ERICH1: variants seen among roughly 807,000 people sequenced by gnomAD.
ERICH1 encodes glutamate-rich protein 1.
In ERICH1, 56 loss-of-function variants were observed where a neutral mutation model predicts 39.6. That is an observed-to-expected ratio of 1.41 (90% CI 1.14 to 1.77). The LOEUF is 1.77. ERICH1 is among the 40% of genes most tolerant of loss of function. The pLI, the probability that ERICH1 is intolerant of heterozygous loss-of-function variation, is 0.00. For synonymous variants in ERICH1, 313 were observed against 223.6 expected, an observed-to-expected ratio of 1.40 and a Z score of -3.57; for missense variants, 826 against 575.4, an observed-to-expected ratio of 1.44 and a Z score of -4.45.
intron 3 of ERICH1, among the ~76,000 whole-genome samples, chr8:683,213 T>C (rs781220408): frequency 2.6e-4 from 40 of 152,210 alleles, no homozygotes; most frequent in Non-Finnish European, 5.1e-4. Context: ...GTGGCTGGCG[T>C]GGACCATGGC....
chr8:706,511 C>T (rs1219239319), intron 2 of ERICH1, among the ~76,000 whole-genome samples: 1 of 152,158 alleles, frequency 6.6e-6, no homozygotes. Flanking sequence ...CAGTGGCTCA[C>T]GCCTGTAATC....
chr8:703,259 C>T (rs1188278771), intron 2 of ERICH1, among the ~76,000 whole-genome samples: 1 of 152,170 alleles, frequency 6.6e-6, no homozygotes, highest in Non-Finnish European at 1.5e-5. Context: ...AGACCAAGTG[C>T]ACACACCCCA....
chr8:615,192 C>T (rs1206135200), exon 4 of ERICH1: 2 of 658,046 alleles, frequency 3.0e-6, no homozygotes, highest in Non-Finnish European at 5.4e-6. Context: ...TCCTCTTGAC[C>T]TGGAATTGTC....
chr8:664,278 C>T lies in ERICH1; in HGVS notation c.*325G>A. 2 of 1,017,790 alleles carry T rather than the reference C, an allele frequency of 2.0e-6. No individual in the cohort carries two copies. Among genetic ancestry groups the T allele is most frequent in the Non-Finnish European group, 2.3e-6 (2 of 851,584 alleles). The allele number at this position is 1,017,790 out of a possible 1,614,324, so 63.0% of individuals were successfully genotyped here. On this transcript the variant is annotated 3_prime_UTR_variant, in exon 6 of 6. Coordinates refer to ENST00000262109, the MANE Select transcript of ERICH1 (RefSeq NM_207332.3). Reference sequence around the variant, plus strand: ...TCAGATACAAGGTGATTCAAAACTTCATAAAAATATATGAGCTTCAAACTA... The same window carrying T: ...TCAGATACAAGGTGATTCAAAACTTTATAAAAATATATGAGCTTCAAACTA...
intron 3 of ERICH1, chr8:625,530 A>G (rs995195505): frequency 6.6e-6 from 1 of 152,230 alleles, no homozygotes; most frequent in African/African-American, 2.4e-5. Flanking sequence ...GGGTAATACA[A>G]GTGTTCTCAC....
At chr8:631,961 C>A (rs1384375379) in intron 3 of ERICH1, among the ~76,000 whole-genome samples, 1 of 152,162 alleles carries the variant, frequency 6.6e-6, no homozygotes. Flanking sequence ...CCCAAAGGTG[C>A]TTCCTGTCCT....
At chr8:626,273 C>T (rs892958249) in intron 3 of ERICH1, 8 of 152,148 alleles carry the variant, frequency 5.3e-5, no homozygotes, top group African/African-American at 1.9e-4. Context: ...TTAAGAAAAT[C>T]CCATTCTCTG....
chr8:664,743 T>A, intron 5 of ERICH1, 67 bp from the exon 6 acceptor site: 2 of 1,361,232 alleles, frequency 1.5e-6, no homozygotes, highest in East Asian at 2.3e-5. Context: ...AAGTTATTAT[T>A]ATGTAGACAC....
At chr8:672,838 C>T (rs1466959298) in intron 4 of ERICH1, among the ~76,000 whole-genome samples, 1 of 152,242 alleles carries the variant, frequency 6.6e-6, no homozygotes, top group Non-Finnish European at 1.5e-5. Context: ...TGAAACCTGT[C>T]CTAAAGGCGC....
intron 3 of ERICH1, among the ~76,000 whole-genome samples, chr8:623,239 G>C (rs1406305878): frequency 1.3e-5 from 2 of 152,164 alleles, no homozygotes; most frequent in African/African-American, 2.4e-5. Flanking sequence ...TTCAAGGGTG[G>C]TTTGGCAACA....
At chr8:688,232 C>G (rs1296821598) in intron 3 of ERICH1, among the ~76,000 whole-genome samples, 1 of 125,564 alleles carries the variant, frequency 8.0e-6, no homozygotes, top group Non-Finnish European at 1.8e-5. Flanking sequence ...TCCCGACGTT[C>G]TCGCAGAAAA....
At chr8:698,580 G>T (rs539660485) in intron 2 of ERICH1, among the ~76,000 whole-genome samples, 27 of 152,096 alleles carry the variant, frequency 1.8e-4, no homozygotes, top group South Asian at 1.5e-3. Flanking sequence ...CAATGACAAG[G>T]TGGTCATTGA....
At position 626,725 on chromosome 8, in the gene ERICH1, C is replaced by T. The variant is rs1038367857; in HGVS notation, c.977-11441G>A. 4.5e-5 allele frequency: 8 copies of T among 177,232 alleles called. No individual in the cohort carries two copies. In the South Asian group the frequency reaches 5.3e-4, roughly 12 times the overall value. 11.0% of individuals were successfully genotyped at this position (177,232 alleles called of 1,614,324 possible). On this transcript the variant is annotated intron_variant, in intron 3 of 3. Coordinates refer to the ERICH1 transcript ENST00000522706. ...TCCAGCTGGCGTCTGTCTCTCATCG[C>T]GATGCCATCCTCATCCTGAGCCCCT...
chr8:635,346 C>A (rs988623590), intron 3 of ERICH1, among the ~76,000 whole-genome samples: 3 of 152,192 alleles, frequency 2.0e-5, no homozygotes, highest in Non-Finnish European at 2.9e-5. Context: ...AACGGATAAA[C>A]GCCAAGCCCG....
chr8:653,020 C>G (rs1351407082), intron 3 of ERICH1, among the ~76,000 whole-genome samples: 1 of 152,200 alleles, frequency 6.6e-6, no homozygotes, highest in Non-Finnish European at 1.5e-5. Flanking sequence ...ACGGTACAGC[C>G]ATTGTGGAAG....
At chr8:631,636 C>T (rs1798045537) in intron 3 of ERICH1, among the ~76,000 whole-genome samples, 2 of 152,148 alleles carry the variant, frequency 1.3e-5, no homozygotes, top group African/African-American at 4.8e-5. Context: ...TGTTTGTTTA[C>T]ATCGTGGTAA....
intron 3 of ERICH1, chr8:656,696 T>G (rs1669733): frequency 1.0e-6 from 1 of 964,746 alleles, no homozygotes; most frequent in Non-Finnish European, 1.2e-6. Flanking sequence ...GACATCCCCA[T>G]TCACGCTGTG....
rs116755538 is a variant in ERICH1, at chr8:705,926, T to C, written c.169+9935A>G. Among the ~76,000 whole-genome samples, 556 of 152,238 alleles carry C rather than the reference T, an allele frequency of 3.7e-3. 4 individuals are homozygous for C. Among genetic ancestry groups the C allele is most frequent in the African/African-American group, 0.013 (524 of 41,540 alleles). On this transcript the variant is annotated intron_variant, in intron 2 of 5. Transcript: ENST00000262109. ...CACTTTCACCGTACGTTTTTAATGT[T>C]TGGATGCTGAAAGGCTGGCTGCATA...
At chr8:625,014 C>T (rs1436256131) in intron 3 of ERICH1, among the ~76,000 whole-genome samples, 1 of 152,162 alleles carries the variant, frequency 6.6e-6, no homozygotes, top group African/African-American at 2.4e-5. Context: ...GCGTGAGCCA[C>T]TGCACCCGGC....
Sources: allele counts gnomAD v4.1 joint callset (sites outside exome capture counted in the v4.1 genomes callset), GRCh38; gene constraint gnomAD v4.1.1; transcripts MANE v1.5; gene names NCBI Gene and HGNC (gene_info 2026-07-23, HGNC 2026-07-21).